Variants in CSMD1 observed in about 807,000 individuals in gnomAD.
The protein encoded by CSMD1 is CUB and sushi domain-containing protein 1.
A neutral mutation model predicts 417.5 loss-of-function variants in CSMD1; 213 were observed. The observed-to-expected ratio is 0.51, with a 90% CI of 0.46 to 0.57. The LOEUF is 0.57. Ranked by LOEUF, CSMD1 falls within the 20% of genes least tolerant of loss-of-function variation. The probability of loss-of-function intolerance (pLI) is 0.00; values close to 1 mark genes in which losing one functional copy is unlikely to be tolerated. For missense variants in CSMD1, 6,923 were observed against 4,529.7 expected (o/e 1.53, Z -15.17); for synonymous variants, 2,862 against 1,736.8 (o/e 1.65, Z -16.11).
At chr8:3,079,701 C>T (rs1246229787) in intron 49 of CSMD1, among the ~76,000 whole-genome samples, 1 of 152,078 alleles carries the variant, frequency 6.6e-6, no homozygotes, top group Admixed American at 6.5e-5. Context: ...GATGCCCTCT[C>T]TGTGGGCAAA....
At chr8:3,600,784 T>C (rs777787596) in intron 8 of CSMD1, among the ~76,000 whole-genome samples, 7 of 151,880 alleles carry the variant, frequency 4.6e-5, no homozygotes, top group Non-Finnish European at 7.4e-5. Flanking sequence ...TCATTGTTCT[T>C]CCATGAATGT....
chr8:4,824,660 C>T (rs941199418), intron 1 of CSMD1, among the ~76,000 whole-genome samples: 5 of 152,084 alleles, frequency 3.3e-5, no homozygotes, highest in Admixed American at 2.0e-4. Flanking sequence ...AATCTCATAA[C>T]GAAAGTGACA....
chr8:3,803,786 A>G (rs1019683477), intron 5 of CSMD1, among the ~76,000 whole-genome samples: 5 of 152,202 alleles, frequency 3.3e-5, no homozygotes, highest in Admixed American at 1.3e-4. Flanking sequence ...CATTTGGAAA[A>G]TATCTTTCTG....
chr8:4,657,604 GA>G (rs1331719249), intron 1 of CSMD1, among the ~76,000 whole-genome samples: 8 of 150,810 alleles, frequency 5.3e-5, no homozygotes, highest in Admixed American at 2.7e-4. Context: ...CAATTCCCAA[GA>G]AGAATAAATA....
At chr8:4,295,393 C>G (rs868257436) in intron 3 of CSMD1, among the ~76,000 whole-genome samples, 1 of 143,294 alleles carries the variant, frequency 7.0e-6, no homozygotes, top group Non-Finnish European at 1.5e-5. Context: ...CACATATAAT[C>G]TTAAGATTAT....
At chr8:3,881,890 G>C (rs1806230985) in intron 5 of CSMD1, among the ~76,000 whole-genome samples, 1 of 152,112 alleles carries the variant, frequency 6.6e-6, no homozygotes, top group Non-Finnish European at 1.5e-5. Context: ...GGCTGGGTCA[G>C]TTGCATGTTC....
At chr8:3,941,874 G>A (rs1338053065) in intron 5 of CSMD1, among the ~76,000 whole-genome samples, 3 of 152,122 alleles carry the variant, frequency 2.0e-5, no homozygotes, top group African/African-American at 7.2e-5. Flanking sequence ...CTATGGGCCA[G>A]TGTCAGTCTG....
chr8:4,529,726 T>G (rs973411533), intron 2 of CSMD1, among the ~76,000 whole-genome samples: 13 of 152,026 alleles, frequency 8.6e-5, no homozygotes, highest in African/African-American at 2.9e-4. Flanking sequence ...ACTATGGGGT[T>G]CTTACAAATT....
At chr8:3,773,635 G>C (rs1170202717) in intron 5 of CSMD1, among the ~76,000 whole-genome samples, 4 of 152,018 alleles carry the variant, frequency 2.6e-5, no homozygotes, top group Admixed American at 6.6e-5. Context: ...TAAACTATTT[G>C]GCAGTTTTAT....
intron 12 of CSMD1, among the ~76,000 whole-genome samples, chr8:3,456,977 T>C (rs1018658273): frequency 2.6e-5 from 4 of 151,766 alleles, no homozygotes; most frequent in Middle Eastern, 3.4e-3. Context: ...CACTTCCTCA[T>C]CCCATAGCCC....
intron 1 of CSMD1, among the ~76,000 whole-genome samples, chr8:4,764,807 A>G (rs1371607885): frequency 1.4e-5 from 2 of 142,018 alleles, no homozygotes; most frequent in Non-Finnish European, 3.0e-5. Flanking sequence ...CAGGAGGCAG[A>G]GCTTGCGGTG....
At chr8:3,880,835 T>C (rs575908679) in intron 5 of CSMD1, among the ~76,000 whole-genome samples, 1 of 152,216 alleles carries the variant, frequency 6.6e-6, no homozygotes, top group Non-Finnish European at 1.5e-5. Flanking sequence ...AATAACGTAA[T>C]GACCTGCGCA....
intron 26 of CSMD1, among the ~76,000 whole-genome samples, chr8:3,277,764 G>A (rs780618806): frequency 6.6e-6 from 1 of 152,164 alleles, no homozygotes; most frequent in Non-Finnish European, 1.5e-5. Flanking sequence ...TGGGAGGCTG[G>A]CTGGTGTTTC....
intron 1 of CSMD1, among the ~76,000 whole-genome samples, chr8:4,715,393 A>G (rs1275416778): frequency 6.6e-6 from 1 of 152,208 alleles, no homozygotes; most frequent in Non-Finnish European, 1.5e-5. Context: ...TAATATAAAC[A>G]TGTAAAACAG....
chr8:3,299,423 G>A (rs1259886839), intron 25 of CSMD1, among the ~76,000 whole-genome samples: 1 of 152,162 alleles, frequency 6.6e-6, no homozygotes, highest in Non-Finnish European at 1.5e-5. Flanking sequence ...TTGCACTCCA[G>A]CCTGGGGGAC....
intron 1 of CSMD1, among the ~76,000 whole-genome samples, chr8:4,897,901 C>T (rs1312762725): frequency 1.3e-5 from 2 of 152,014 alleles, no homozygotes; most frequent in Admixed American, 6.5e-5. Context: ...CAGAGCAAGG[C>T]GTGGCTTTGT....
At chr8:4,456,707 C>T (rs1411231510) in intron 2 of CSMD1, among the ~76,000 whole-genome samples, 1 of 152,096 alleles carries the variant, frequency 6.6e-6, no homozygotes, top group African/African-American at 2.4e-5. Context: ...AAGAAACAGG[C>T]ATGTGGACCC....
intron 20 of CSMD1, among the ~76,000 whole-genome samples, chr8:3,366,492 A>T (rs368840521): frequency 6.6e-6 from 1 of 152,364 alleles, no homozygotes; most frequent in East Asian, 1.9e-4. Flanking sequence ...TCTATATATT[A>T]TCATTAAAAA....
intron 12 of CSMD1, among the ~76,000 whole-genome samples, chr8:3,445,953 A>T (rs1815277206): frequency 2.0e-5 from 3 of 152,208 alleles, no homozygotes; most frequent in Admixed American, 2.0e-4. Flanking sequence ...GGCAACGATG[A>T]AATGACTGCT....
Sources: gnomAD v4.1 joint callset for allele counts (sites outside exome capture counted in the v4.1 genomes callset) on GRCh38, gnomAD v4.1.1 for gene constraint, MANE v1.5 for transcripts, NCBI Gene and HGNC (gene_info 2026-07-23, HGNC 2026-07-21) for gene names.